Variants in COL5A1 observed in about 807,000 individuals in gnomAD.
COL5A1 encodes the protein collagen alpha-1(V) chain.
A neutral mutation model predicts 263.7 loss-of-function variants in COL5A1; 16 were observed. That is an observed-to-expected ratio of 0.06 (90% CI 0.04 to 0.09). The LOEUF (loss-of-function observed/expected upper bound fraction) is 0.09, where lower values mean the gene tolerates loss of function less well. Ranked by LOEUF, COL5A1 falls within the 10% of genes least tolerant of loss-of-function variation. COL5A1 has a pLI of 1.00. For missense variants in COL5A1, 2,036 were observed against 2,540.5 expected (o/e 0.80, Z 4.27); for synonymous variants, 1,012 against 1,004.5 (o/e 1.01, Z -0.14).
chr9:134,831,260 A>G (rs1027759704), intron 64 of COL5A1, among the ~76,000 whole-genome samples: 5 of 152,094 alleles, frequency 3.3e-5, no homozygotes, highest in African/African-American at 1.2e-4. Flanking sequence ...CTGATTATTC[A>G]TCTCTCGTGC....
chr9:134,731,647 A>G lies in COL5A1; in HGVS notation c.1316A>G (p.Asp439Gly). ...GGGCCGGGAATGCCGGCGAACCAGGATACCATCTATGAAGGGGTGAGAGGG... is the reference window on the plus strand; with the variant it reads ...GGGCCGGGAATGCCGGCGAACCAGGGTACCATCTATGAAGGGGTGAGAGGG... ...EIGPGMPANQ[D>G]TIYEGIGGPR... The change falls in exon 8 of 66, where the codon GAT (aspartate) becomes GGT (glycine). Residue 439 changes from aspartate (D) to glycine (G), a missense_variant. Asp to Gly is a moderately conservative substitution (Grantham distance 94). Transcript: ENST00000371817. 4.3e-6 allele frequency: 7 copies of G among 1,613,690 alleles called. No homozygotes were observed. The highest frequency in any genetic ancestry group is 5.9e-6 in the Non-Finnish European group (7 of 1,179,864).
At chr9:134,660,823 G>T (rs773982521) in intron 1 of COL5A1, among the ~76,000 whole-genome samples, 5 of 152,132 alleles carry the variant, frequency 3.3e-5, no homozygotes, top group Non-Finnish European at 7.3e-5. Flanking sequence ...AACAGGCAAG[G>T]TCTCTTTGAG....
At chr9:134,705,972 C>A (rs3109689) in intron 4 of COL5A1, among the ~76,000 whole-genome samples, 1 of 152,166 alleles carries the variant, frequency 6.6e-6, no homozygotes, top group East Asian at 1.9e-4. Context: ...CTGCCCGTAC[C>A]TGCACCTGCC....
rs770351497 is a variant in COL5A1, at chr9:134,731,696, GT to G, written c.1332+35del. 9.2e-5 allele frequency: 147 copies of G among 1,591,534 alleles called. No homozygotes were observed. The African/African-American group carries it at 1.7e-3, about 19-fold the overall frequency. On this transcript the variant is annotated intron_variant, in intron 8 of 65. Coordinates refer to ENST00000371817, the MANE Select transcript of COL5A1 (RefSeq NM_000093.5). The stretch of plus-strand genomic sequence containing the variant: ...GGTGCAGGCCCCCGTTCCGGGTGGG[GT>G]TGGGGGGCTGGTGGGGCATCATGGG...
intron 31 of COL5A1, among the ~76,000 whole-genome samples, chr9:134,788,345 T>C (rs1837541597): frequency 6.8e-6 from 1 of 147,894 alleles, no homozygotes; most frequent in Non-Finnish European, 1.5e-5. Context: ...GGCAAATCGA[T>C]GGATGAATGG....
At chr9:134,790,966 C>G (rs1588553645) in intron 32 of COL5A1, among the ~76,000 whole-genome samples, 1 of 152,146 alleles carries the variant, frequency 6.6e-6, no homozygotes, top group Non-Finnish European at 1.5e-5. Context: ...GACCAGGGAC[C>G]TCGTGGAGCA....
At chr9:134,769,667 T>C (rs1836804224) in intron 25 of COL5A1, among the ~76,000 whole-genome samples, 1 of 152,182 alleles carries the variant, frequency 6.6e-6, no homozygotes, top group Admixed American at 6.5e-5. Flanking sequence ...GTGGGGACAG[T>C]GGCTGGGCCC....
chr9:134,662,774 C>A (rs1342182728), intron 1 of COL5A1, among the ~76,000 whole-genome samples: 1 of 152,198 alleles, frequency 6.6e-6, no homozygotes, highest in Non-Finnish European at 1.5e-5. Context: ...GGCTAACTCG[C>A]ATGAAACCCT....
rs150411302 is a variant in COL5A1 at position 134,755,345 on chromosome 9, G to C, written c.1827+1019G>C. Among the ~76,000 whole-genome samples the C allele has an allele frequency of 1.2e-3, 183 of 152,304 alleles. 1 individual carries two copies. The Middle Eastern group carries it at 0.024, about 20-fold the overall frequency. On this transcript the variant is annotated intron_variant, in intron 16 of 65. Coordinates refer to ENST00000371817, the MANE Select transcript of COL5A1 (RefSeq NM_000093.5). This position sits in a 1 kb window ranked among gnomAD's most constrained non-coding sequence, Gnocchi z 4.1. ...ACTAGAACTGGTTTCCTAGAGTGAG[G>C]TTAAAAACTGGAACAAGAGGAGACT... is the stretch of plus-strand genomic sequence containing the variant.
intron 1 of COL5A1, among the ~76,000 whole-genome samples, chr9:134,685,886 C>A (rs1833058896): frequency 6.7e-6 from 1 of 148,554 alleles, no homozygotes; most frequent in African/African-American, 2.5e-5. Context: ...CATCCATCCA[C>A]CCACCCATCC....
At chr9:134,744,164 G>A (rs948121866) in intron 11 of COL5A1, among the ~76,000 whole-genome samples, 2 of 152,278 alleles carry the variant, frequency 1.3e-5, no homozygotes, top group South Asian at 2.1e-4. Flanking sequence ...TGCTTTCCTG[G>A]CTCCCAGGCT....
In COL5A1 at chr9:134,754,054, C is replaced by T; in HGVS notation, c.1773+151C>T. 4.8e-6 allele frequency: 4 copies of T among 828,154 alleles called. No individual in the cohort carries two copies. The highest frequency in any genetic ancestry group is 8.0e-6 in the Non-Finnish European group (4 of 498,378). 51.3% of individuals were successfully genotyped at this position (828,154 alleles called of 1,614,324 possible). ...TTTACGCAGTGCTGAGGGTGGAGCA[C>T]AATGAACTCTGACACCTGCGGCAGA... On this transcript the variant is annotated intron_variant, in intron 15 of 65. Transcript: ENST00000371817. This position sits in a 1 kb window ranked among gnomAD's most constrained non-coding sequence, Gnocchi z 4.3.
chr9:134,778,114 C>T (rs867841668), intron 27 of COL5A1, among the ~76,000 whole-genome samples: 4 of 152,222 alleles, frequency 2.6e-5, no homozygotes, highest in African/African-American at 7.2e-5. Context: ...CGTGGTGAGA[C>T]GGCAGGTGGT....
chr9:134,807,156 G>A (rs4842169), intron 42 of COL5A1, among the ~76,000 whole-genome samples: 52,116 of 152,136 alleles, frequency 0.34, 9,439 homozygotes, highest in East Asian at 0.43. Flanking sequence ...ATCAGCTCTG[G>A]AGACCAATTT....
intron 59 of COL5A1, among the ~76,000 whole-genome samples, chr9:134,822,594 C>T (rs2132875876): frequency 6.6e-6 from 1 of 152,226 alleles, no homozygotes; most frequent in Middle Eastern, 3.4e-3. Context: ...AGCCGCTGGG[C>T]TGCAGGTACA....
intron 27 of COL5A1, 74 bp downstream of exon 27, chr9:134,774,986 T>G: frequency 7.3e-7 from 1 of 1,369,476 alleles, no homozygotes; most frequent in Non-Finnish European, 1.0e-6. Flanking sequence ...CGTGGCTGGT[T>G]TTAGGGAATT....
At chr9:134,833,741 G>A (rs1839741578) in intron 64 of COL5A1, among the ~76,000 whole-genome samples, 2 of 152,214 alleles carry the variant, frequency 1.3e-5, no homozygotes, top group Admixed American at 1.3e-4. Context: ...CGTGCCCCGT[G>A]GCTCCAGCTG....
At position 134,758,372 on chromosome 9, in the gene COL5A1, A is replaced by G. The variant is rs1478899022; in HGVS notation, c.1935+76A>G. On this transcript the variant is annotated intron_variant, in intron 18 of 65. Transcript: ENST00000371817. The surrounding 1 kb of genome is among the most constrained non-coding windows in gnomAD (Gnocchi z 4.1). ...TCTCTCGGGAGGCCCTTCTCCTTCC[A>G]GGCAGCCTCAGATTTCCTGTGGGGT... 14 of 1,466,226 alleles carry G rather than the reference A, an allele frequency of 9.5e-6. No individual in the cohort carries two copies. The East Asian group carries it at 1.4e-4, about 14-fold the overall frequency. The allele number at this position is 1,466,226 out of a possible 1,614,324, so 90.8% of individuals were successfully genotyped here. A position where few individuals can be genotyped will look rare whatever the true frequency, so the allele number is the denominator to read the frequency against.
chr9:134,669,235 T>TCCTCCCCTTCCCTTC (rs1832457792), intron 1 of COL5A1, among the ~76,000 whole-genome samples: 1 of 20,158 alleles, frequency 5.0e-5, no homozygotes, highest in African/African-American at 1.5e-4. Flanking sequence ...CCCTTCCCTT[T>TCCTCCCCTTCCCTTC]CCTTCCCTTC....
Sources: allele counts gnomAD v4.1 joint callset (sites outside exome capture counted in the v4.1 genomes callset), GRCh38; gene constraint gnomAD v4.1.1; non-coding constraint Gnocchi (gnomAD v3.1); transcripts MANE v1.5; gene names NCBI Gene and HGNC (gene_info 2026-07-23, HGNC 2026-07-21).